ZDHHC15: variants seen among roughly 807,000 people sequenced by gnomAD.
The protein encoded by ZDHHC15 is palmitoyltransferase ZDHHC15.
A neutral mutation model predicts 31.7 loss-of-function variants in ZDHHC15; 19 were observed. That is an observed-to-expected ratio of 0.60 (90% CI 0.42 to 0.88). The LOEUF is 0.88. Ranked by LOEUF, ZDHHC15 falls within the 40% of genes least tolerant of loss-of-function variation. ZDHHC15 has a pLI of 0.00. For missense variants in ZDHHC15, 209 were observed against 251.2 expected (o/e 0.83, Z 1.14); for synonymous variants, 103 against 90.0 (o/e 1.14, Z -0.82).
chrX:75,492,959 C>CA (rs1363990987), intron 2 of ZDHHC15, among the ~76,000 whole-genome samples: 1 of 111,170 alleles, frequency 9.0e-6, no homozygotes, highest in African/African-American at 3.3e-5. Context: ...AATAGAGAGA[C>CA]AAAAAAATCC....
At chrX:75,515,046 A>G (rs747245627) in intron 1 of ZDHHC15, among the ~76,000 whole-genome samples, 79 of 111,762 alleles carry the variant, frequency 7.1e-4, no homozygotes, top group African/African-American at 2.3e-3. Flanking sequence ...ATTCCTGAAT[A>G]GACCAATAAC....
At chrX:75,506,469 CT>C (rs1294653256) in intron 1 of ZDHHC15, among the ~76,000 whole-genome samples, 1 of 111,603 alleles carries the variant, frequency 9.0e-6, no homozygotes, top group Non-Finnish European at 1.9e-5. Context: ...AAAAATTCTC[CT>C]TTTCATGATT....
At chrX:75,514,064 A>G (rs1329368020) in intron 1 of ZDHHC15, among the ~76,000 whole-genome samples, 1 of 112,951 alleles carries the variant, frequency 8.9e-6, no homozygotes, top group Non-Finnish European at 1.9e-5. Context: ...ATTCTCAGAT[A>G]AACAAAAACT....
chrX:75,513,450 A>T (rs1043548586), intron 1 of ZDHHC15, among the ~76,000 whole-genome samples: 5 of 111,539 alleles, frequency 4.5e-5, no homozygotes, highest in Non-Finnish European at 9.4e-5. Flanking sequence ...ATAACCAGAG[A>T]GGAAGACTTG....
intron 3 of ZDHHC15, among the ~76,000 whole-genome samples, chrX:75,451,458 T>A (rs749818137): frequency 8.9e-6 from 1 of 112,601 alleles, no homozygotes; most frequent in Admixed American, 9.4e-5. Context: ...CACTATTGAA[T>A]ACTTTTTTAG....
chrX:75,407,232 G>T (rs2083423177), intron 10 of ZDHHC15, among the ~76,000 whole-genome samples: 1 of 111,587 alleles, frequency 9.0e-6, no homozygotes, highest in Non-Finnish European at 1.9e-5. Flanking sequence ...ACCCCATCTG[G>T]GAGGTGAGGA....
In ZDHHC15 at chrX:75,483,063, G is replaced by GTA. The variant is rs754172083; in HGVS notation, c.164-4080_164-4079dup. 6.1e-3 allele frequency among the ~76,000 whole-genome samples: 555 copies of GTA among 90,375 alleles called. 3 individuals are homozygous for GTA. The highest frequency in any genetic ancestry group is 0.015 in the African/African-American group (297 of 19,368). 78.5% of individuals were successfully genotyped at this position (90,375 alleles called of 115,157 possible). A position where few individuals can be genotyped will look rare whatever the true frequency, so the allele number is the denominator to read the frequency against. On this transcript the variant is annotated intron_variant, in intron 2 of 11. Coordinates refer to ENST00000373367, the MANE Select transcript of ZDHHC15 (RefSeq NM_144969.3). The stretch of plus-strand genomic sequence containing the variant: ...CATATATACATATATACACATATGT[G>GTA]TATATATATGTGTATGTGTATATAT...
rs2084108730 is a variant in ZDHHC15, at chrX:75,451,031, G to A, written c.259-109C>T. On this transcript the variant is annotated intron_variant, in intron 3 of 11. Coordinates refer to ENST00000373367, the MANE Select transcript of ZDHHC15 (RefSeq NM_144969.3). ...AAATTATTTGTTACCTACCCTTGAA[G>A]CTCAGGTACCACTTAGTCTTATAAT... 3 of 922,466 alleles carry A rather than the reference G, an allele frequency of 3.3e-6. No individual in the cohort carries two copies. In the South Asian group the frequency reaches 8.0e-5, roughly 25 times the overall value. The allele number at this position is 922,466 out of a possible 1,213,427, so 76.0% of individuals were successfully genotyped here. A position where few individuals can be genotyped will look rare whatever the true frequency, so the allele number is the denominator to read the frequency against.
rs2085151337 is a variant in ZDHHC15, at chrX:75,505,833, G to C, written c.151C>G (p.Pro51Ala). 1.7e-6 allele frequency: 2 copies of C among 1,207,924 alleles called. No homozygotes were observed. Among genetic ancestry groups the C allele is most frequent in the Non-Finnish European group, 2.2e-6 (2 of 893,076 alleles). ...AACATCATCTTACCTTTTTCTGCTG[G>C]GCTCAAAACAGTCACTGTGAAGAGA... ...FELCLVTVLS[P>A]AEKVIYLILY... Residue 51 changes from proline (P) to alanine (A), a missense_variant, in exon 2 of 12, where the codon CCA becomes GCA. By Grantham distance (27) the Pro-to-Ala change is conservative. Transcript: ENST00000373367.
chrX:75,505,744 T>C (rs1179786975), intron 2 of ZDHHC15, 77 bp downstream of exon 2: 3 of 1,135,858 alleles, frequency 2.6e-6, no homozygotes, highest in Admixed American at 2.3e-5. Flanking sequence ...GCTCGGTCTA[T>C]AGGCTTTTAT....
At chrX:75,457,315 G>A (rs2084238954) in intron 3 of ZDHHC15, among the ~76,000 whole-genome samples, 1 of 109,316 alleles carries the variant, frequency 9.1e-6, no homozygotes, top group Admixed American at 1.0e-4. Flanking sequence ...CAAGTCTTTG[G>A]TCCATTAAAA....
intron 8 of ZDHHC15, among the ~76,000 whole-genome samples, chrX:75,423,096 T>G (rs1165732268): frequency 9.3e-6 from 1 of 107,491 alleles, no homozygotes; most frequent in Non-Finnish European, 1.9e-5. Context: ...TACCGCAGCC[T>G]TAAACTCCTG....
At chrX:75,437,471 G>A (rs1230750593) in intron 4 of ZDHHC15, among the ~76,000 whole-genome samples, 3 of 72,085 alleles carry the variant, frequency 4.2e-5, no homozygotes, top group Admixed American at 3.8e-4. Flanking sequence ...AGAGTGTGAT[G>A]TTCCCCTTCC....
intron 10 of ZDHHC15, chrX:75,384,684 T>A: frequency 1.2e-6 from 1 of 823,467 alleles, no homozygotes; most frequent in South Asian, 2.1e-5. Context: ...ATGAAAATGA[T>A]CAGAGAAAGA....
At chrX:75,444,679 T>TACAC (rs1345790994) in intron 4 of ZDHHC15, among the ~76,000 whole-genome samples, 2 of 45,039 alleles carry the variant, frequency 4.4e-5, no homozygotes, top group African/African-American at 7.0e-5. Context: ...TATATATATA[T>TACAC]ATATATATAC....
In ZDHHC15 at chrX:75,374,732, T is replaced by A. The variant is rs1342572339; in HGVS notation, c.*33-1787A>T. The stretch of plus-strand genomic sequence containing the variant: ...TATATATCCAGTGGAATACTACTCA[T>A]CAATAAAAAGAAATCAATTATCCTT... On this transcript the variant is annotated intron_variant, in intron 11 of 11. Transcript: ENST00000373367. Among the ~76,000 whole-genome samples the A allele has an allele frequency of 4.6e-5, 5 of 107,735 alleles. No individual in the cohort carries two copies. In the Middle Eastern group the frequency reaches 0.019, roughly 414 times the overall value. The allele number at this position is 107,735 out of a possible 115,157, so 93.6% of individuals were successfully genotyped here. A position where few individuals can be genotyped will look rare whatever the true frequency, so the allele number is the denominator to read the frequency against.
chrX:75,398,814 G>A (rs1271230989), intron 10 of ZDHHC15, among the ~76,000 whole-genome samples: 1 of 111,461 alleles, frequency 9.0e-6, no homozygotes, highest in Admixed American at 9.4e-5. Context: ...AGTGTGAGGT[G>A]ACCAAGGGCT....
At chrX:75,463,606 A>ACAAC (rs1556021740) in intron 3 of ZDHHC15, among the ~76,000 whole-genome samples, 88 of 111,387 alleles carry the variant, frequency 7.9e-4, no homozygotes, top group Non-Finnish European at 1.5e-3. Context: ...AACAACAACA[A>ACAAC]AAAACCCATC....
At position 75,379,060 on chromosome X, in the gene ZDHHC15, C is replaced by T; in HGVS notation, c.*32+60G>A. ...AACTTATTTCTTTTCTAGTTCTTCT[C>T]CCAAGCCGCCTTCTTAGCAGTCCAG... On this transcript the variant is annotated intron_variant, in intron 11 of 11. Coordinates refer to ENST00000373367, the MANE Select transcript of ZDHHC15 (RefSeq NM_144969.3). 3 of 967,555 alleles carry T rather than the reference C, an allele frequency of 3.1e-6. No homozygotes were observed. The South Asian group carries it at 6.4e-5, about 21-fold the overall frequency. The allele number at this position is 967,555 out of a possible 1,213,427, so 79.7% of individuals were successfully genotyped here. A position where few individuals can be genotyped will look rare whatever the true frequency, so the allele number is the denominator to read the frequency against.
Sources: gnomAD v4.1 joint callset for allele counts (sites outside exome capture counted in the v4.1 genomes callset) on GRCh38, gnomAD v4.1.1 for gene constraint, MANE v1.5 for transcripts, NCBI Gene and HGNC (gene_info 2026-07-23, HGNC 2026-07-21) for gene names.